DCAF8: variants seen among roughly 807,000 people sequenced by gnomAD.
The protein encoded by DCAF8 is DDB1- and CUL4-associated factor 8.
Under a neutral mutation model 68.0 loss-of-function variants are expected in DCAF8, and 20 were observed. The observed-to-expected ratio is 0.29, with a 90% CI of 0.21 to 0.43. The LOEUF (loss-of-function observed/expected upper bound fraction) is 0.43, where lower values mean the gene tolerates loss of function less well. Among genes scored for constraint, DCAF8 ranks in the 20% least tolerant of loss-of-function variants. The pLI is 1.00. For synonymous variants in DCAF8, 230 were observed against 276.9 expected (o/e 0.83, Z 1.68); for missense variants, 460 against 771.0 (o/e 0.60, Z 4.78).
At chr1:160,233,675 A>C (rs1194725818) in intron 6 of DCAF8, among the ~76,000 whole-genome samples, 1 of 152,176 alleles carries the variant, frequency 6.6e-6, no homozygotes, top group Non-Finnish European at 1.5e-5. Context: ...CAAATACAAA[A>C]GTTACCATGT....
At position 160,224,424 on chromosome 1, in the gene DCAF8, C is replaced by A. The variant is rs1288632621; in HGVS notation, c.1309+18G>T. On this transcript the variant is annotated intron_variant, in intron 10 of 13. Transcript: ENST00000368074. ...GCCAACAGGCTTGGGCCAAAGAAAC[C>A]TAGGAAGACAGTCTCACCTGTGGCA... 6.3e-7 allele frequency: 1 copy of A among 1,598,060 alleles called. No individual in the cohort carries two copies. Among genetic ancestry groups the A allele is most frequent in the Non-Finnish European group, 8.6e-7 (1 of 1,165,498 alleles).
intron 2 of DCAF8, among the ~76,000 whole-genome samples, chr1:160,249,657 G>A (rs1172219189): frequency 6.6e-6 from 1 of 152,096 alleles, no homozygotes; most frequent in Non-Finnish European, 1.5e-5. Context: ...AAACAAGAAG[G>A]AAAATGTATG....
intron 3 of DCAF8, among the ~76,000 whole-genome samples, 159 bp downstream of exon 3, chr1:160,243,801 T>C (rs1327542650): frequency 6.6e-6 from 1 of 152,220 alleles, no homozygotes; most frequent in Non-Finnish European, 1.5e-5. Flanking sequence ...AAAAGCATAA[T>C]ATAGTCCAAG....
At chr1:160,225,714 G>C in intron 7 of DCAF8, 51 bp from the exon 8 acceptor site, 1 of 1,466,100 alleles carries the variant, frequency 6.8e-7, no homozygotes, top group Middle Eastern at 1.7e-4. Context: ...CGAAACCCTT[G>C]AAGAGCTGCA....
At chr1:160,248,441 C>T (rs1430597282) in intron 2 of DCAF8, among the ~76,000 whole-genome samples, 2 of 152,052 alleles carry the variant, frequency 1.3e-5, no homozygotes, top group Non-Finnish European at 1.5e-5. Context: ...TTAAAACTGT[C>T]GCAACAGGCT....
intron 11 of DCAF8, chr1:160,220,841 T>G (rs1309057517): frequency 6.6e-6 from 1 of 152,226 alleles, no homozygotes; most frequent in African/African-American, 2.4e-5. Flanking sequence ...GATATAGAAC[T>G]GCTGAGTCTA....
chr1:160,248,134 C>T (rs1656424244), intron 2 of DCAF8, among the ~76,000 whole-genome samples: 1 of 151,906 alleles, frequency 6.6e-6, no homozygotes, highest in African/African-American at 2.4e-5. Context: ...GGTGAAACCC[C>T]CGTCTCTACT....
chr1:160,250,783 G>C (rs144860940), intron 2 of DCAF8, among the ~76,000 whole-genome samples: 79 of 152,216 alleles, frequency 5.2e-4, no homozygotes, highest in African/African-American at 1.9e-3. Flanking sequence ...ACTAAGAATA[G>C]CAGAAATTTA....
rs142249687 is a variant in DCAF8, at chr1:160,241,515, T to C, written c.50-1145A>G. Reference sequence around the variant, plus strand: ...AACTAGGTCACTTTTATCGATCTTATCTCCTATAACTACATACTGCATTCT... The same window carrying C: ...AACTAGGTCACTTTTATCGATCTTACCTCCTATAACTACATACTGCATTCT... On this transcript the variant is annotated intron_variant, in intron 3 of 13. Coordinates refer to ENST00000368074, the MANE Select transcript of DCAF8 (RefSeq NM_015726.4). Among the ~76,000 whole-genome samples the C allele has an allele frequency of 6.4e-4, 98 of 152,304 alleles. 1 individual carries two copies. Among genetic ancestry groups the C allele is most frequent in the African/African-American group, 2.3e-3 (94 of 41,570 alleles).
intron 5 of DCAF8, among the ~76,000 whole-genome samples, chr1:160,237,778 A>T (rs989067123): frequency 1.3e-5 from 2 of 152,018 alleles, no homozygotes; most frequent in Admixed American, 6.6e-5. Context: ...GGCCTCAAGC[A>T]GTCCTCCCAC....
intron 2 of DCAF8, among the ~76,000 whole-genome samples, chr1:160,246,719 C>T (rs57978931): frequency 0.016 from 2,411 of 152,124 alleles, 63 homozygotes; most frequent in African/African-American, 0.049. Flanking sequence ...CGGCAGCTCA[C>T]GCCTATAATC....
At position 160,239,826 on chromosome 1, in the gene DCAF8, G is replaced by C; in HGVS notation, c.594C>G (p.Thr198=). ...GLEGHTGCVN[T]LHFNQRGTWL... is the part of the protein sequence containing the mutation. ...AGGTGCCGCGCTGGTTAAAGTGCAG[G>C]GTATTGACACAACCAGTATGGCCCT... The change falls in exon 4 of 14, where the codon ACC becomes ACG. Residue 198 remains threonine (T), a synonymous_variant. Transcript: ENST00000368074. The C allele has an allele frequency of 6.2e-7, 1 of 1,614,238 alleles. No individual in the cohort carries two copies. The highest frequency in any genetic ancestry group is 8.5e-7 in the Non-Finnish European group (1 of 1,180,050).
At position 160,237,513 on chromosome 1, in the gene DCAF8, A is replaced by G. The variant is rs138208738; in HGVS notation, c.865-284T>C. On this transcript the variant is annotated intron_variant, in intron 5 of 13. Transcript: ENST00000368074. ...ATATGAACAGATAGCAAAGAAAAAC[A>G]TCAGCCATTAGAGTTCATTTTCTTT... is the stretch of plus-strand genomic sequence containing the variant. Among the ~76,000 whole-genome samples, 582 of 152,292 alleles carry G rather than the reference A, an allele frequency of 3.8e-3. 1 individual carries two copies. The highest frequency in any genetic ancestry group is 5.0e-3 in the Admixed American group (76 of 15,290).
intron 2 of DCAF8, among the ~76,000 whole-genome samples, chr1:160,257,180 C>T (rs1183229064): frequency 6.6e-6 from 1 of 152,078 alleles, no homozygotes; most frequent in Admixed American, 6.6e-5. Flanking sequence ...CTACCCCATG[C>T]CTATTGCTGA....
intron 3 of DCAF8, 68 bp downstream of exon 3, chr1:160,243,892 A>T (rs1056972631): frequency 5.9e-6 from 9 of 1,523,572 alleles, no homozygotes; most frequent in African/African-American, 1.4e-5. Context: ...CCTCCACTCT[A>T]TCTTGCAGGG....
intron 11 of DCAF8, among the ~76,000 whole-genome samples, chr1:160,221,587 GAAAAA>G: frequency 6.6e-6 from 1 of 152,058 alleles, no homozygotes; most frequent in Non-Finnish European, 1.5e-5. Context: ...ACCACTCTCT[GAAAAA>G]ACCTCATCAA....
intron 6 of DCAF8, 63 bp from the exon 7 acceptor site, chr1:160,231,470 G>A: frequency 8.2e-7 from 1 of 1,225,026 alleles, no homozygotes; most frequent in South Asian, 1.2e-5. Context: ...TCATGGCAAA[G>A]GAGAGCCAAG....
In DCAF8 at chr1:160,239,802, G is replaced by C. The variant is rs758773439; in HGVS notation, c.618C>G (p.Thr206=). 1.2e-5 allele frequency: 19 copies of C among 1,614,126 alleles called. No homozygotes were observed. Among genetic ancestry groups the C allele is most frequent in the Non-Finnish European group, 1.4e-5 (16 of 1,180,054 alleles). ...GGTCATCGCTGCCACTGGCCAGCCA[G>C]GTGCCGCGCTGGTTAAAGTGCAGGG... ...VNTLHFNQRG[T]WLASGSDDLK... The change falls in exon 4 of 14, where the codon ACC becomes ACG. Residue 206 remains threonine (T), a synonymous_variant. Transcript: ENST00000368074.
intron 8 of DCAF8, 28 bp downstream of exon 8, chr1:160,225,563 G>A (rs757287343): frequency 6.3e-7 from 1 of 1,586,924 alleles, no homozygotes; most frequent in East Asian, 2.2e-5. Flanking sequence ...AGGGAAGCCT[G>A]CAGCAACTGG....
Sources: allele counts gnomAD v4.1 joint callset (sites outside exome capture counted in the v4.1 genomes callset), GRCh38; gene constraint gnomAD v4.1.1; transcripts MANE v1.5; gene names NCBI Gene and HGNC (gene_info 2026-07-23, HGNC 2026-07-21).